The following SETBP1 variants were observed in gnomAD, a reference collection of about 807,000 sequenced individuals.
The protein encoded by SETBP1 is SET-binding protein.
A neutral mutation model predicts 101.0 loss-of-function variants in SETBP1; 9 were observed. The ratio of observed to expected loss-of-function variants is 0.09; its 90% confidence interval spans 0.05 to 0.16. SETBP1 has a LOEUF of 0.16. SETBP1 is among the 10% of genes least tolerant of loss of function. The pLI, the probability that SETBP1 is intolerant of heterozygous loss-of-function variation, is 1.00. For synonymous variants in SETBP1, 818 were observed against 788.5 expected (o/e 1.04, Z -0.63); for missense variants, 1,858 against 2,033.8 (o/e 0.91, Z 1.66).
At chr18:44,797,069 G>A (rs1328806971) in intron 2 of SETBP1, among the ~76,000 whole-genome samples, 7 of 152,170 alleles carry the variant, frequency 4.6e-5, no homozygotes, top group Non-Finnish European at 1.0e-4. Context: ...GCACCTTAAC[G>A]AACAGGTTAC....
At chr18:44,843,977 A>G (rs1338111397) in intron 2 of SETBP1, among the ~76,000 whole-genome samples, 1 of 151,422 alleles carries the variant, frequency 6.6e-6, no homozygotes, top group Non-Finnish European at 1.5e-5. Context: ...AGGTTCACAA[A>G]CTCTTTTTGT....
chr18:45,005,272 C>T lies in SETBP1; in HGVS notation c.4001-33213C>T, dbSNP rs556026858. ...GTGCTTTTCAAACCATTCTTAGACT[C>T]ACCACAAGGTAAGTGAAAGGAGATA... On this transcript the variant is annotated intron_variant, in intron 4 of 5. Coordinates refer to ENST00000649279, the MANE Select transcript of SETBP1 (RefSeq NM_015559.3). Among the ~76,000 whole-genome samples, 3 of 152,268 alleles carry T rather than the reference C, an allele frequency of 2.0e-5. No homozygotes were observed. In the South Asian group the frequency reaches 6.2e-4, roughly 32 times the overall value.
chr18:44,722,788 G>A (rs1246066005), intron 2 of SETBP1, among the ~76,000 whole-genome samples: 1 of 152,174 alleles, frequency 6.6e-6, no homozygotes, highest in Non-Finnish European at 1.5e-5. Context: ...TCTTCAGGAC[G>A]GTTCTCTAGT....
At chr18:45,017,817 A>G (rs1202407073) in intron 4 of SETBP1, among the ~76,000 whole-genome samples, 1 of 152,212 alleles carries the variant, frequency 6.6e-6, no homozygotes, top group African/African-American at 2.4e-5. Flanking sequence ...CTGCGTCCCT[A>G]CCTCACTTTA....
chr18:44,703,318 G>GATATTCCAT (rs2069149999), intron 2 of SETBP1, among the ~76,000 whole-genome samples: 1 of 113,378 alleles, frequency 8.8e-6, no homozygotes, highest in South Asian at 3.1e-4. Flanking sequence ...ATAGCCCGAA[G>GATATTCCAT]ATATTCCATA....
chr18:44,969,217 G>A (rs574212626), intron 4 of SETBP1, among the ~76,000 whole-genome samples: 3 of 152,264 alleles, frequency 2.0e-5, no homozygotes, highest in Middle Eastern at 3.4e-3. Context: ...GTTTCAAGGC[G>A]GGGGAAGAAA....
At chr18:44,965,696 C>T (rs987277500) in intron 4 of SETBP1, among the ~76,000 whole-genome samples, 3 of 152,210 alleles carry the variant, frequency 2.0e-5, no homozygotes, top group Admixed American at 1.3e-4. Context: ...AGTTTGCTCA[C>T]ATCGCTGAAA....
At chr18:44,908,462 A>G (rs2070228970) in intron 3 of SETBP1, among the ~76,000 whole-genome samples, 1 of 152,024 alleles carries the variant, frequency 6.6e-6, no homozygotes, top group Non-Finnish European at 1.5e-5. Context: ...CTTATTCCCC[A>G]TTATATTATA....
rs759872101 is a variant in SETBP1, at chr18:44,952,783, A to G, written c.3443A>G (p.His1148Arg). 5 of 1,613,986 alleles carry G rather than the reference A, an allele frequency of 3.1e-6. No homozygotes were observed. The highest frequency in any genetic ancestry group is 2.2e-5 in the East Asian group (1 of 44,874). Reference sequence around the variant, plus strand: ...GCCAGTCTGTCCAGTGGTCGGCTCCATAAGAGGAAACACAAACACAAGCAT... The same window carrying G: ...GCCAGTCTGTCCAGTGGTCGGCTCCGTAAGAGGAAACACAAACACAAGCAT... ...GSASLSSGRL[H>R]KRKHKHKHKH... Residue 1148 changes from histidine to arginine, a missense_variant, in exon 4 of 6, where the codon CAT (histidine) becomes CGT (arginine). Around this residue, in one of 12 missense-constraint regions of SETBP1, gnomAD observed 417 missense variants for 389.1 expected, o/e 1.07. Transcript: ENST00000649279.
chr18:44,847,427 T>C (rs906457626), intron 2 of SETBP1, among the ~76,000 whole-genome samples: 1 of 152,228 alleles, frequency 6.6e-6, no homozygotes, highest in Non-Finnish European at 1.5e-5. Flanking sequence ...TCTTGGTCAG[T>C]ACCTGCAAAG....
intron 2 of SETBP1, among the ~76,000 whole-genome samples, chr18:44,721,947 C>A (rs1476512361): frequency 1.3e-5 from 2 of 152,232 alleles, no homozygotes; most frequent in African/African-American, 2.4e-5. Flanking sequence ...CGAAGCAAAT[C>A]TTTGTGGCTT....
At chr18:44,839,383 A>G (rs1460089338) in intron 2 of SETBP1, among the ~76,000 whole-genome samples, 4 of 152,180 alleles carry the variant, frequency 2.6e-5, no homozygotes, top group African/African-American at 9.6e-5. Flanking sequence ...AGAATGAGTC[A>G]GCATGCTAGG....
At chr18:44,841,216 A>G (rs1289639813) in intron 2 of SETBP1, among the ~76,000 whole-genome samples, 1 of 152,068 alleles carries the variant, frequency 6.6e-6, no homozygotes, top group East Asian at 1.9e-4. Flanking sequence ...GGTCTATGGG[A>G]TCCCCTTTCC....
chr18:44,828,896 C>G (rs1327558748), intron 2 of SETBP1, among the ~76,000 whole-genome samples: 1 of 152,252 alleles, frequency 6.6e-6, no homozygotes, highest in East Asian at 1.9e-4. Context: ...AGGAAAAGAG[C>G]TCTCAGCAGA....
rs373845529 is a variant in SETBP1 at position 44,951,650 on chromosome 18, G to A, written c.2310G>A (p.Ala770=). The change falls in exon 4 of 6, where the codon GCG becomes GCA. Residue 770 remains alanine, a synonymous_variant. Transcript: ENST00000649279. This position sits in a 1 kb window ranked among gnomAD's most constrained non-coding sequence, Gnocchi z 7.8. Reference sequence around the variant, plus strand: ...CTTCCAACTTTCAGTCACTTGTGGCGTCTTCACCAGCAGCTATGCACCCAC... The same window carrying A: ...CTTCCAACTTTCAGTCACTTGTGGCATCTTCACCAGCAGCTATGCACCCAC... The part of the protein sequence containing the change: ...AVPSNFQSLV[A]SSPAAMHPLS... 1.7e-4 allele frequency: 280 copies of A among 1,614,138 alleles called. 3 individuals are homozygous for A. The highest frequency in any genetic ancestry group is 1.5e-3 in the Middle Eastern group (9 of 6,062).
chr18:44,766,430 G>A (rs1197201390), intron 2 of SETBP1, among the ~76,000 whole-genome samples: 2 of 152,174 alleles, frequency 1.3e-5, no homozygotes, highest in Non-Finnish European at 2.9e-5. Context: ...ATTATATGAA[G>A]TGAAATGAGA....
chr18:44,990,295 T>A (rs960564610), intron 4 of SETBP1, among the ~76,000 whole-genome samples: 1 of 152,132 alleles, frequency 6.6e-6, no homozygotes, highest in Non-Finnish European at 1.5e-5. Context: ...AAACTTATAT[T>A]TAAATATTTG....
At chr18:44,894,528 T>A (rs2069847342) in intron 3 of SETBP1, among the ~76,000 whole-genome samples, 1 of 152,036 alleles carries the variant, frequency 6.6e-6, no homozygotes, top group African/African-American at 2.4e-5. Context: ...AATCATTATA[T>A]AAGGAGGAAA....
At chr18:44,822,719 T>C (rs1039088660) in intron 2 of SETBP1, among the ~76,000 whole-genome samples, 2 of 152,230 alleles carry the variant, frequency 1.3e-5, no homozygotes, top group Non-Finnish European at 2.9e-5. Context: ...TTTTGACAGG[T>C]AGCATATGAC....
Sources: allele counts gnomAD v4.1 joint callset (sites outside exome capture counted in the v4.1 genomes callset), GRCh38; gene constraint gnomAD v4.1.1; regional missense constraint gnomAD v4.1.1; non-coding constraint Gnocchi (gnomAD v3.1); transcripts MANE v1.5; gene names NCBI Gene and HGNC (gene_info 2026-07-23, HGNC 2026-07-21).